LRRTM4: variants seen among roughly 807,000 people sequenced by gnomAD.
LRRTM4 encodes the protein leucine rich repeat transmembrane neuronal 4.
LRRTM4 carries 25 observed loss-of-function variants against 47.6 expected under a neutral mutation model. The observed-to-expected ratio is 0.53, with a 90% CI of 0.38 to 0.73. The LOEUF is 0.73. Among genes scored for constraint, LRRTM4 ranks in the 30% least tolerant of loss-of-function variants. The pLI, the probability that LRRTM4 is intolerant of heterozygous loss-of-function variation, is 0.00. For synonymous variants in LRRTM4, 311 were observed against 269.5 expected (o/e 1.15, Z -1.51); for missense variants, 638 against 713.4 (o/e 0.89, Z 1.20).
chr2:76,898,150 T>G (rs1673486950), intron 3 of LRRTM4, among the ~76,000 whole-genome samples: 1 of 152,058 alleles, frequency 6.6e-6, no homozygotes, highest in South Asian at 2.1e-4. Context: ...TTTTCTGTTT[T>G]TAAACTCTGT....
chr2:77,058,005 C>G (rs1679663846), intron 3 of LRRTM4, among the ~76,000 whole-genome samples: 1 of 152,138 alleles, frequency 6.6e-6, no homozygotes, highest in Non-Finnish European at 1.5e-5. Context: ...TTCTGTTCCT[C>G]CAATAAATTT....
At chr2:76,751,103 G>T (rs1451335398) in intron 3 of LRRTM4, among the ~76,000 whole-genome samples, 4 of 152,110 alleles carry the variant, frequency 2.6e-5, no homozygotes, top group East Asian at 3.9e-4. Flanking sequence ...TGGGAATCAT[G>T]GTAGACCATG....
intron 3 of LRRTM4, among the ~76,000 whole-genome samples, chr2:76,766,958 C>G (rs904931554): frequency 1.3e-5 from 2 of 152,168 alleles, no homozygotes; most frequent in African/African-American, 4.8e-5. Context: ...TAGATGAGCC[C>G]TCTAGACAAG....
At chr2:77,071,546 C>A (rs889202812) in intron 3 of LRRTM4, among the ~76,000 whole-genome samples, 2 of 151,906 alleles carry the variant, frequency 1.3e-5, no homozygotes, top group African/African-American at 4.8e-5. Flanking sequence ...GGAAGACTAA[C>A]AATAGCAATA....
chr2:77,038,550 T>C (rs1304333904), intron 3 of LRRTM4, among the ~76,000 whole-genome samples: 1 of 151,584 alleles, frequency 6.6e-6, no homozygotes. Flanking sequence ...AAATTCTGTA[T>C]CCCCTTCAGT....
At chr2:77,408,023 T>G (rs1674280882) in intron 3 of LRRTM4, among the ~76,000 whole-genome samples, 1 of 152,082 alleles carries the variant, frequency 6.6e-6, no homozygotes, top group African/African-American at 2.4e-5. Context: ...GAAGGAAATT[T>G]GCAAATCAAA....
chr2:77,417,767 G>GT (rs1674700554), intron 3 of LRRTM4, among the ~76,000 whole-genome samples: 1 of 148,274 alleles, frequency 6.7e-6, no homozygotes, highest in East Asian at 1.9e-4. Flanking sequence ...CTGTTGTTGG[G>GT]GGGGAAGGGG....
chr2:76,920,081 A>G (rs1674385665), intron 3 of LRRTM4, among the ~76,000 whole-genome samples: 2 of 152,028 alleles, frequency 1.3e-5, no homozygotes, highest in Non-Finnish European at 2.9e-5. Flanking sequence ...TTCCAATGAG[A>G]TTTTGCCATA....
chr2:76,999,744 G>C (rs924537705), intron 3 of LRRTM4, among the ~76,000 whole-genome samples: 1 of 151,894 alleles, frequency 6.6e-6, no homozygotes, highest in African/African-American at 2.4e-5. Context: ...TGTCTTTCAC[G>C]GCACACAGTT....
intron 3 of LRRTM4, among the ~76,000 whole-genome samples, chr2:76,900,964 C>T (rs1023994603): frequency 1.4e-5 from 2 of 147,852 alleles, no homozygotes; most frequent in South Asian, 2.1e-4. Context: ...ATTTCTTTCT[C>T]TCTTTTTTTG....
In LRRTM4 at chr2:77,135,454, C is replaced by G. The variant is rs144956098; in HGVS notation, c.1551+382864G>C. ...AACTCTTCACAGAATTACTTAGGGT[C>G]TTCTTGGATCCTAAACTTCCCAGCA... is the stretch of plus-strand genomic sequence containing the variant. On this transcript the variant is annotated intron_variant, in intron 3 of 3. Transcript: ENST00000409884. Among the ~76,000 whole-genome samples the G allele has an allele frequency of 8.6e-3, 1,315 of 152,278 alleles. 20 individuals carry two copies. Among genetic ancestry groups the G allele is most frequent in the African/African-American group, 0.03 (1,257 of 41,540 alleles).
intron 3 of LRRTM4, among the ~76,000 whole-genome samples, chr2:76,810,449 C>G (rs115563826): frequency 0.016 from 2,356 of 151,992 alleles, 53 homozygotes; most frequent in African/African-American, 0.05. Context: ...TATTTTTGCT[C>G]TTATGTTTTT....
At position 77,112,644 on chromosome 2, in the gene LRRTM4, G is replaced by C. The variant is rs143327692; in HGVS notation, c.1552-363728C>G. ...TGGAGTATAATAAGCTTTTTTTTTT[G>C]AGGTAATTTCTGCTAGATAGAGATA... is the stretch of plus-strand genomic sequence containing the variant. On this transcript the variant is annotated intron_variant, in intron 3 of 3. Transcript: ENST00000409884. Among the ~76,000 whole-genome samples the C allele has an allele frequency of 2.2e-4, 31 of 139,256 alleles. No homozygotes were observed. In the East Asian group the frequency reaches 5.2e-3, roughly 24 times the overall value. 91.4% of individuals were successfully genotyped at this position (139,256 alleles called of 152,430 possible). A position where few individuals can be genotyped will look rare whatever the true frequency, so the allele number is the denominator to read the frequency against.
chr2:77,348,227 A>G (rs892793894), intron 3 of LRRTM4, among the ~76,000 whole-genome samples: 1 of 151,962 alleles, frequency 6.6e-6, no homozygotes, highest in Admixed American at 6.6e-5. Context: ...ACTTAACAGT[A>G]TTATTCACTA....
intron 3 of LRRTM4, among the ~76,000 whole-genome samples, chr2:77,060,794 A>G (rs1200520440): frequency 6.6e-6 from 1 of 152,116 alleles, no homozygotes; most frequent in East Asian, 1.9e-4. Flanking sequence ...TGAGGAAAAT[A>G]TGGTTTTTCT....
intron 3 of LRRTM4, among the ~76,000 whole-genome samples, chr2:77,224,902 G>A (rs1674757126): frequency 1.3e-5 from 2 of 152,052 alleles, no homozygotes; most frequent in African/African-American, 2.4e-5. Flanking sequence ...CTGCTATAAA[G>A]ACACATGCAC....
chr2:77,153,716 T>C (rs1229748377), intron 3 of LRRTM4, among the ~76,000 whole-genome samples: 1 of 152,182 alleles, frequency 6.6e-6, no homozygotes, highest in African/African-American at 2.4e-5. Context: ...TGAATGCTTT[T>C]AGATTTTTAC....
At chr2:77,345,474 G>GA (rs750772414) in intron 3 of LRRTM4, among the ~76,000 whole-genome samples, 2 of 151,746 alleles carry the variant, frequency 1.3e-5, no homozygotes, top group Non-Finnish European at 2.9e-5. Flanking sequence ...AGTCCAACAG[G>GA]AAAAAATAGA....
rs139694663 is a variant in LRRTM4 at position 77,157,233 on chromosome 2, A to G, written c.1551+361085T>C. Among the ~76,000 whole-genome samples, 15 of 152,284 alleles carry G rather than the reference A, an allele frequency of 9.9e-5. No homozygotes were observed. The East Asian group carries it at 2.9e-3, about 29-fold the overall frequency. On this transcript the variant is annotated intron_variant, in intron 3 of 3. Transcript: ENST00000409884. ...TTCACTGCTGCATAACAAGATGTAA[A>G]CTGTAGTACAGTTTTTATAAATGGG...
Sources: gnomAD v4.1 joint callset for allele counts (sites outside exome capture counted in the v4.1 genomes callset) on GRCh38, gnomAD v4.1.1 for gene constraint, MANE v1.5 for transcripts, NCBI Gene and HGNC (gene_info 2026-07-23, HGNC 2026-07-21) for gene names.